CENPE: variants seen among roughly 807,000 people sequenced by gnomAD.
CENPE encodes the protein centromere-associated protein E.
CENPE carries 145 observed loss-of-function variants against 336.1 expected under a neutral mutation model. That is an observed-to-expected ratio of 0.43 (90% CI 0.38 to 0.50). The LOEUF (loss-of-function observed/expected upper bound fraction) is 0.50. Ranked by LOEUF, CENPE falls within the 20% of genes least tolerant of loss-of-function variation. The pLI, the probability that CENPE is intolerant of heterozygous loss-of-function variation, is 0.00. For missense variants in CENPE, 2,719 were observed against 3,023.3 expected (o/e 0.90, Z 2.36); for synonymous variants, 1,013 against 984.8 (o/e 1.03, Z -0.54).
In CENPE at chr4:103,109,039, A is replaced by C. The variant is rs778066399; in HGVS notation, c.7775T>G (p.Leu2592Arg). Reference sequence around the variant, plus strand: ...TACTTGTTTGTGAGCCTCTCTTTTAAGGGTTCTTTCCTTCCAAGTTTTGAC... The same window carrying C: ...TACTTGTTTGTGAGCCTCTCTTTTACGGGTTCTTTCCTTCCAAGTTTTGAC... ...NEVKTWKERT[L>R]KREAHKQVTC... Residue 2592 changes from leucine to arginine, a missense_variant, in exon 48 of 49, where the codon CTT becomes CGT. Around this residue, in one of 5 missense-constraint regions of CENPE, gnomAD observed 2,437 missense variants for 2,513.3 expected, o/e 0.97. Coordinates refer to ENST00000265148, the MANE Select transcript of CENPE (RefSeq NM_001813.3). 6.2e-7 allele frequency: 1 copy of C among 1,613,614 alleles called. No homozygotes were observed. Among genetic ancestry groups the C allele is most frequent in the Middle Eastern group, 1.7e-4 (1 of 6,058 alleles).
chr4:103,136,426 C>T, intron 39 of CENPE, 67 bp from the exon 40 acceptor site: 5 of 1,079,436 alleles, frequency 4.6e-6, no homozygotes, highest in Non-Finnish European at 5.3e-6. Context: ...GTAGTTACAA[C>T]TCTAGAATTG....
intron 45 of CENPE, among the ~76,000 whole-genome samples, chr4:103,115,975 C>G (rs540278225): frequency 1.3e-4 from 20 of 152,148 alleles, no homozygotes; most frequent in African/African-American, 4.6e-4. Flanking sequence ...TCGTGATTTG[C>G]CCGTGTAGCC....
At chr4:103,182,716 A>G (rs763921637) in intron 11 of CENPE, 46 bp downstream of exon 11, 22 of 1,491,112 alleles carry the variant, frequency 1.5e-5, no homozygotes, top group Non-Finnish European at 1.7e-5. Flanking sequence ...TTTCTTCTTC[A>G]AGCTGATCTT....
At position 103,198,120 on chromosome 4, in the gene CENPE, C is replaced by T. The variant is rs112161799; in HGVS notation, c.56+144G>A. ...CGATCCTCCCCTGTCACTTTACAGA[C>T]CCTGAAACGATGGCCAGCAGCCGAG... On this transcript the variant is annotated intron_variant, in intron 1 of 48. Coordinates refer to ENST00000265148, the MANE Select transcript of CENPE (RefSeq NM_001813.3). 69 of 716,246 alleles carry T rather than the reference C, an allele frequency of 9.6e-5. 1 individual carries two copies. The African/African-American group carries it at 1.0e-3, about 11-fold the overall frequency. 44.4% of individuals were successfully genotyped at this position (716,246 alleles called of 1,614,324 possible). A position where few individuals can be genotyped will look rare whatever the true frequency, so the allele number is the denominator to read the frequency against.
chr4:103,121,281 A>AT lies in CENPE; in HGVS notation c.7144-949dup, dbSNP rs952484547. Among the ~76,000 whole-genome samples the AT allele has an allele frequency of 5.3e-5, 8 of 152,150 alleles. 2 individuals are homozygous for AT. Among genetic ancestry groups the AT allele is most frequent in the Admixed American group, 2.0e-4 (3 of 15,278 alleles). On this transcript the variant is annotated intron_variant, in intron 43 of 48. Transcript: ENST00000265148. ...GCTTTATTTTAAAACTTGAGAACAT[A>AT]TTTTTTCCAGATCTTTCCATTATCA...
Position 103,161,468 on chromosome 4 carries a change from G to A in CENPE, c.1843-11C>T, listed in dbSNP as rs1754437813. The stretch of plus-strand genomic sequence containing the variant: ...GTCTTCAATGCTTTCCTAGACAGAT[G>A]ACAAAAGGGGTTCACTGAAATCTAA... On this transcript the variant is annotated splice_polypyrimidine_tract_variant and intron_variant, in intron 18 of 48. Coordinates refer to ENST00000265148, the MANE Select transcript of CENPE (RefSeq NM_001813.3). 6.4e-7 allele frequency: 1 copy of A among 1,553,596 alleles called. No individual in the cohort carries two copies. Among genetic ancestry groups the A allele is most frequent in the African/African-American group, 1.4e-5 (1 of 72,524 alleles).
intron 3 of CENPE, 55 bp from the exon 4 acceptor site, chr4:103,196,093 A>G: frequency 1.3e-6 from 2 of 1,579,368 alleles, no homozygotes; most frequent in South Asian, 1.1e-5. Context: ...TATAATGGGT[A>G]AAACTATGCA....
rs1012369551 is a variant in CENPE at position 103,195,900 on chromosome 4, A to G, written c.357+20T>C. The G allele has an allele frequency of 6.9e-7, 1 of 1,448,786 alleles. No individual in the cohort carries two copies. The highest frequency in any genetic ancestry group is 1.4e-5 in the African/African-American group (1 of 71,554). 89.7% of individuals were successfully genotyped at this position (1,448,786 alleles called of 1,614,324 possible). On this transcript the variant is annotated intron_variant, in intron 4 of 48. Coordinates refer to ENST00000265148, the MANE Select transcript of CENPE (RefSeq NM_001813.3). ...ACTAGTTTTACCTGTACGTACTAGA[A>G]ATCCAGTTAAGTTACTTACCTTCTT...
rs74913564 is a variant in CENPE, at chr4:103,144,335, G to A, written c.5141C>T (p.Thr1714Ile). Residue 1714 changes from threonine to isoleucine, a missense_variant, in exon 33 of 49, where the codon ACT becomes ATT. By Grantham distance (89) the Thr-to-Ile change is moderately conservative. Around this residue, in one of 5 missense-constraint regions of CENPE, gnomAD observed 2,437 missense variants for 2,513.3 expected, o/e 0.97. Coordinates refer to ENST00000265148, the MANE Select transcript of CENPE (RefSeq NM_001813.3). ...QLKENLRETITRDLEKQEELK... is the reference protein window; with the variant it reads ...QLKENLRETIIRDLEKQEELK... ...TGTAGAGAGATGGTAACTCACTCTA[G>A]TTATAGTTTCTCTAAGGTTTTCCTT... is the stretch of plus-strand genomic sequence containing the variant. The A allele has an allele frequency of 1.2e-5, 19 of 1,601,362 alleles. No homozygotes were observed. The highest frequency in any genetic ancestry group is 1.5e-5 in the Non-Finnish European group (18 of 1,175,746).
chr4:103,193,985 T>C (rs1163217967), intron 8 of CENPE, among the ~76,000 whole-genome samples: 1 of 152,012 alleles, frequency 6.6e-6, no homozygotes, highest in Non-Finnish European at 1.5e-5. Context: ...TATAACCCTA[T>C]AGCCCTGACA....
At chr4:103,134,436 C>T (rs1399241062) in intron 40 of CENPE, among the ~76,000 whole-genome samples, 1 of 151,944 alleles carries the variant, frequency 6.6e-6, no homozygotes, top group Non-Finnish European at 1.5e-5. Context: ...AGTTCGAGAC[C>T]ATCCTGGCTA....
chr4:103,178,475 A>G (rs1756065090), intron 13 of CENPE, among the ~76,000 whole-genome samples: 1 of 152,198 alleles, frequency 6.6e-6, no homozygotes, highest in Admixed American at 6.5e-5. Flanking sequence ...TACTACCTGC[A>G]CAGAAGCCTA....
intron 1 of CENPE, 74 bp from the exon 2 acceptor site, chr4:103,196,924 C>T: frequency 1.4e-6 from 1 of 733,628 alleles, no homozygotes; most frequent in Non-Finnish European, 2.4e-6. Context: ...GAAAAGATTT[C>T]ACCTGCTAAA....
rs1430325958 is a variant in CENPE, at chr4:103,143,252, G to C, written c.5300C>G (p.Ala1767Gly). The C allele has an allele frequency of 6.3e-7, 1 of 1,580,814 alleles. No individual in the cohort carries two copies. The highest frequency in any genetic ancestry group is 8.6e-7 in the Non-Finnish European group (1 of 1,166,496). Residue 1767 changes from alanine to glycine, a missense_variant, in exon 34 of 49, where the codon GCA (alanine) becomes GGA (glycine). By Grantham distance (60) the Ala-to-Gly change is moderately conservative (BLOSUM62 0). Coordinates refer to ENST00000265148, the MANE Select transcript of CENPE (RefSeq NM_001813.3). ...GATAACTTAAAAATAAAATACCTGT[G>C]CTTTTAAGGCATCATTTGAGTGTTC... The part of the protein sequence containing the change: ...DLEHSNDALK[A>G]QDLKIQEELR...
intron 42 of CENPE, among the ~76,000 whole-genome samples, chr4:103,123,704 T>G (rs1386548246): frequency 6.6e-6 from 1 of 152,176 alleles, no homozygotes; most frequent in Non-Finnish European, 1.5e-5. Context: ...AAATTTGTGG[T>G]AGAAGACAAG....
intron 44 of CENPE, among the ~76,000 whole-genome samples, chr4:103,118,821 T>C (rs1371770232): frequency 6.6e-6 from 1 of 152,242 alleles, no homozygotes; most frequent in African/African-American, 2.4e-5. Flanking sequence ...TCTCCCAGAA[T>C]AGAAATGAGA....
rs1175672420 is a variant in CENPE at position 103,158,748 on chromosome 4, T to G, written c.2740A>C (p.Thr914Pro). ...QTVEREKTLI[T>P]EKLQQTLEEV... Reference sequence around the variant, plus strand: ...TCTAAAGTTTGCTGCAGTTTCTCAGTAATCAGTGTTTTCTCCCTTTCTACA... The same window carrying G: ...TCTAAAGTTTGCTGCAGTTTCTCAGGAATCAGTGTTTTCTCCCTTTCTACA... The change falls in exon 23 of 49, where the codon ACT becomes CCT. Residue 914 changes from threonine (T) to proline (P), a missense_variant. Coordinates refer to ENST00000265148, the MANE Select transcript of CENPE (RefSeq NM_001813.3). The G allele has an allele frequency of 6.2e-7, 1 of 1,613,242 alleles. No individual in the cohort carries two copies. The highest frequency in any genetic ancestry group is 2.2e-5 in the East Asian group (1 of 44,838).
rs571660978 is a variant in CENPE at position 103,148,403 on chromosome 4, GT to G, written c.3843+440del. Among the ~76,000 whole-genome samples, 84 of 152,106 alleles carry G rather than the reference GT, an allele frequency of 5.5e-4. 1 individual carries two copies. Among genetic ancestry groups the G allele is most frequent in the Admixed American group, 5.9e-4 (9 of 15,254 alleles). On this transcript the variant is annotated intron_variant, in intron 28 of 48. Coordinates refer to ENST00000265148, the MANE Select transcript of CENPE (RefSeq NM_001813.3). ...AATTAGTGGTACCATGTAATTTTGC[GT>G]ATTTCTGCATTTACCATATTGGAAT... is the stretch of plus-strand genomic sequence containing the variant.
At position 103,138,056 on chromosome 4, in the gene CENPE, C is replaced by T. The variant is rs75077651; in HGVS notation, c.6303+295G>A. 0.016 allele frequency among the ~76,000 whole-genome samples: 2,444 copies of T among 152,244 alleles called. 36 individuals carry two copies. Among genetic ancestry groups the T allele is most frequent in the Non-Finnish European group, 0.026 (1,782 of 68,012 alleles). On this transcript the variant is annotated intron_variant, in intron 39 of 48. Coordinates refer to ENST00000265148, the MANE Select transcript of CENPE (RefSeq NM_001813.3). ...CTCAGGAACTTTGTACTCGCTGTTC[C>T]CTTTGCCTATAATGGTCTTTTCAGA...
Sources: gnomAD v4.1 joint callset for allele counts (sites outside exome capture counted in the v4.1 genomes callset) on GRCh38, gnomAD v4.1.1 for gene constraint, gnomAD v4.1.1 regional missense constraint, MANE v1.5 for transcripts, NCBI Gene and HGNC (gene_info 2026-07-23, HGNC 2026-07-21) for gene names.